Variants in RGS5 observed in about 807,000 individuals in gnomAD.
RGS5 encodes the protein regulator of G protein signaling 5, also known as regulator of G-protein signalling 5.
A neutral mutation model predicts 18.9 loss-of-function variants in RGS5; 20 were observed. That is an observed-to-expected ratio of 1.06 (90% CI 0.74 to 1.54). The LOEUF (loss-of-function observed/expected upper bound fraction) is 1.54, where lower values mean the gene tolerates loss of function less well. RGS5 is among the 40% of genes most tolerant of loss of function. The pLI is 0.00. For missense variants in RGS5, 201 were observed against 211.8 expected, an observed-to-expected ratio of 0.95 and a Z score of 0.32; for synonymous variants, 57 against 76.2, an observed-to-expected ratio of 0.75 and a Z score of 1.31.
At chr1:163,194,962 A>C (rs1251206445) in intron 1 of RGS5, among the ~76,000 whole-genome samples, 1 of 152,178 alleles carries the variant, frequency 6.6e-6, no homozygotes, top group Admixed American at 6.6e-5. Flanking sequence ...GGATGTGGTA[A>C]AAAGGGAACA....
At chr1:163,184,510 C>G (rs1397818285) in intron 1 of RGS5, among the ~76,000 whole-genome samples, 2 of 151,940 alleles carry the variant, frequency 1.3e-5, no homozygotes, top group Non-Finnish European at 2.9e-5. Flanking sequence ...GAAAGGGGAA[C>G]AAGTCAGATG....
Position 163,234,001 on chromosome 1 carries a change from G to A in RGS5, c.-280-65633C>T, listed in dbSNP as rs183263527. On this transcript the variant is annotated intron_variant, in intron 2 of 5. Coordinates refer to the RGS5 transcript ENST00000618415. ...TGGATGTATACGTGCAGGTCACAGG[G>A]GATATGATGGCTTAGCTTGGGCTCA... Among the ~76,000 whole-genome samples, 739 of 152,244 alleles carry A rather than the reference G, an allele frequency of 4.9e-3. 4 individuals are homozygous for A. Among genetic ancestry groups the A allele is most frequent in the African/African-American group, 0.017 (695 of 41,544 alleles).
chr1:163,284,056 T>C (rs1649070871), intron 2 of RGS5, among the ~76,000 whole-genome samples: 1 of 152,172 alleles, frequency 6.6e-6, no homozygotes, highest in Non-Finnish European at 1.5e-5. Context: ...TATGTAGCAA[T>C]AAAAAATTAA....
chr1:163,211,611 A>G (rs373382990), intron 1 of RGS5: 19 of 152,142 alleles, frequency 1.2e-4, no homozygotes, highest in Non-Finnish European at 2.2e-4. Context: ...GCCTCACTGT[A>G]TCTAAACTCC....
chr1:163,289,269 T>C (rs541594045), intron 2 of RGS5, among the ~76,000 whole-genome samples: 25 of 151,916 alleles, frequency 1.6e-4, no homozygotes, highest in African/African-American at 6.0e-4. Flanking sequence ...CCCCTACACC[T>C]TTGCTCCTGC....
Position 163,312,460 on chromosome 1 carries a change from G to A in RGS5, c.-377-6131C>T, listed in dbSNP as rs185787685. ...GTGAAGTGGAAACTAAAGGACTGGT[G>A]AAAGAAGTGGTAGCTGAACTAAATT... On this transcript the variant is annotated intron_variant, in intron 1 of 5. Transcript: ENST00000618415. Among the ~76,000 whole-genome samples, 29 of 152,272 alleles carry A rather than the reference G, an allele frequency of 1.9e-4. 1 individual carries two copies. In the East Asian group the frequency reaches 3.3e-3, roughly 17 times the overall value.
chr1:163,213,226 C>CT, intron 1 of RGS5, among the ~76,000 whole-genome samples: 1 of 151,896 alleles, frequency 6.6e-6, no homozygotes, highest in Non-Finnish European at 1.5e-5. Flanking sequence ...GCATTACTTG[C>CT]TTTTTTCCAA....
chr1:163,309,496 AC>A (rs1649795482), intron 1 of RGS5, among the ~76,000 whole-genome samples: 1 of 90,092 alleles, frequency 1.1e-5, no homozygotes, highest in South Asian at 3.7e-4. Context: ...ATCTAAGGAA[AC>A]CTTTTTTTTT....
chr1:163,142,473 C>T lies in RGS5; in HGVS notation c.*4869G>A, dbSNP rs1656961132. On this transcript the variant is annotated 3_prime_UTR_variant, in exon 5 of 5. Transcript: ENST00000313961. ...TTAAAATATATGGGATAAATGCTTA[C>T]AAATGGATTTATAAACCTTTCACTT... 1 of 152,058 alleles carries T rather than the reference C, an allele frequency of 6.6e-6. No individual in the cohort carries two copies. Among genetic ancestry groups the T allele is most frequent in the Non-Finnish European group, 1.5e-5 (1 of 68,012 alleles). The allele number at this position is 152,058 out of a possible 1,614,324, so 9.4% of individuals were successfully genotyped here.
chr1:163,320,368 C>T (rs902493621), intron 1 of RGS5, among the ~76,000 whole-genome samples: 3 of 152,116 alleles, frequency 2.0e-5, no homozygotes, highest in African/African-American at 4.8e-5. Context: ...TTCATGATAC[C>T]GTATAAAGCA....
chr1:163,215,519 T>C (rs1660197180), intron 1 of RGS5, among the ~76,000 whole-genome samples: 1 of 152,092 alleles, frequency 6.6e-6, no homozygotes, highest in Non-Finnish European at 1.5e-5. Flanking sequence ...ATTAGGATAA[T>C]TGGAAGAAAG....
intron 2 of RGS5, among the ~76,000 whole-genome samples, chr1:163,276,413 T>C (rs1215521227): frequency 6.6e-6 from 1 of 152,192 alleles, no homozygotes; most frequent in Non-Finnish European, 1.5e-5. Context: ...TACAATACTC[T>C]CAGTTATGAG....
chr1:163,215,697 T>C (rs1660200435), intron 1 of RGS5, among the ~76,000 whole-genome samples: 2 of 152,098 alleles, frequency 1.3e-5, no homozygotes, highest in Admixed American at 1.3e-4. Flanking sequence ...TAAATTGAAA[T>C]CTCTTCTCCA....
In RGS5 at chr1:163,145,851, G is replaced by C. The variant is rs940543654; in HGVS notation, c.*1491C>G. Reference sequence around the variant, plus strand: ...AAACTGAGAGTGTGTGAATGAAAGAGAGCAACAGAAGGAGGAAATACAAGA... The same window carrying C: ...AAACTGAGAGTGTGTGAATGAAAGACAGCAACAGAAGGAGGAAATACAAGA... On this transcript the variant is annotated 3_prime_UTR_variant, in exon 5 of 5. Transcript: ENST00000313961. The C allele has an allele frequency of 2.6e-5, 4 of 152,108 alleles. No homozygotes were observed. Among genetic ancestry groups the C allele is most frequent in the Admixed American group, 1.3e-4 (2 of 15,262 alleles). The allele number at this position is 152,108 out of a possible 1,614,324, so 9.4% of individuals were successfully genotyped here.
chr1:163,212,292 T>C (rs1660125491), intron 1 of RGS5: 1 of 152,212 alleles, frequency 6.6e-6, no homozygotes, highest in South Asian at 2.1e-4. Context: ...ACATGTTTTA[T>C]TTGTCTTTGG....
intron 2 of RGS5, among the ~76,000 whole-genome samples, chr1:163,281,071 A>C (rs992716626): frequency 6.6e-6 from 1 of 152,066 alleles, no homozygotes; most frequent in East Asian, 1.9e-4. Flanking sequence ...AATGGGTCTC[A>C]TGAGACCTGA....
chr1:163,185,637 A>G (rs971832646), intron 1 of RGS5, among the ~76,000 whole-genome samples: 1 of 152,190 alleles, frequency 6.6e-6, no homozygotes, highest in African/African-American at 2.4e-5. Flanking sequence ...AGGGAGATGA[A>G]GATGATTCCT....
intron 1 of RGS5, among the ~76,000 whole-genome samples, chr1:163,199,291 G>T (rs1659687783): frequency 6.6e-6 from 1 of 152,070 alleles, no homozygotes; most frequent in South Asian, 2.1e-4. Flanking sequence ...ATAAAAGTAT[G>T]CGAGTCCTAC....
chr1:163,285,902 T>G (rs1649131022), intron 2 of RGS5, among the ~76,000 whole-genome samples: 1 of 151,994 alleles, frequency 6.6e-6, no homozygotes, highest in African/African-American at 2.4e-5. Flanking sequence ...CACAGAACCA[T>G]GAGCCGATTA....
Sources: gnomAD v4.1 joint callset for allele counts (sites outside exome capture counted in the v4.1 genomes callset) on GRCh38, gnomAD v4.1.1 for gene constraint, MANE v1.5 for transcripts, NCBI Gene and HGNC (gene_info 2026-07-23, HGNC 2026-07-21) for gene names.